The following GPR15LG variants were observed in gnomAD, a reference collection of about 807,000 sequenced individuals.
GPR15LG encodes protein GPR15LG.
At chr10:84,183,654 A>ATT in the GPR15LG span, among the ~76,000 whole-genome samples, 1 of 144,568 alleles carries the variant, frequency 6.9e-6, no homozygotes, top group Admixed American at 6.8e-5. Context: ...TTTATTATTT[A>ATT]TTTTTTTTTT....
the GPR15LG span, among the ~76,000 whole-genome samples, chr10:84,182,846 T>C: frequency 6.6e-6 from 1 of 152,134 alleles, no homozygotes; most frequent in Non-Finnish European, 1.5e-5. Context: ...AAGATAGTCT[T>C]GGGATCTGAG....
the GPR15LG span, among the ~76,000 whole-genome samples, chr10:84,176,269 G>C: frequency 8.5e-5 from 13 of 152,206 alleles, no homozygotes; most frequent in Non-Finnish European, 1.5e-5. Flanking sequence ...AATCTGAAAA[G>C]GATGTGTTTT....
the GPR15LG span, among the ~76,000 whole-genome samples, chr10:84,181,533 C>T: frequency 3.9e-5 from 6 of 152,162 alleles, no homozygotes; most frequent in African/African-American, 9.7e-5. Context: ...TCAAGTGATC[C>T]GCTTCAGCCT....
the GPR15LG span, among the ~76,000 whole-genome samples, chr10:84,174,201 C>A: frequency 6.6e-6 from 1 of 152,218 alleles, no homozygotes; most frequent in Admixed American, 6.5e-5. Flanking sequence ...AACCTCTCAG[C>A]TAGATTACTG....
At chr10:84,181,995 G>A in the GPR15LG span, among the ~76,000 whole-genome samples, 1 of 152,316 alleles carries the variant, frequency 6.6e-6, no homozygotes, top group South Asian at 2.1e-4. Flanking sequence ...CCCAGGTCCT[G>A]AGAGCTCCTT....
At chr10:84,184,189 T>C in the GPR15LG span, among the ~76,000 whole-genome samples, 1 of 151,962 alleles carries the variant, frequency 6.6e-6, no homozygotes, top group African/African-American at 2.4e-5. Context: ...ATAAAAATAG[T>C]TTAATGCATG....
chr10:84,182,077 CAGAGAG>C, the GPR15LG span, among the ~76,000 whole-genome samples: 5 of 152,210 alleles, frequency 3.3e-5, no homozygotes, highest in Non-Finnish European at 1.5e-5. Context: ...GGAAGGGGCA[CAGAGAG>C]ATTCCTCCCT....
chr10:84,174,313 T>C, the GPR15LG span, among the ~76,000 whole-genome samples: 1 of 152,120 alleles, frequency 6.6e-6, no homozygotes, highest in Admixed American at 6.5e-5. Flanking sequence ...ATACATTAAT[T>C]AGTAGACCAT....
chr10:84,184,118 G>A, the GPR15LG span, among the ~76,000 whole-genome samples: 4 of 150,142 alleles, frequency 2.7e-5, no homozygotes, highest in Non-Finnish European at 5.9e-5. Context: ...CCAGGAGTTC[G>A]TGACTAGCCT....
At chr10:84,184,615 C>T in the GPR15LG span, 1 of 1,512,502 alleles carries the variant, frequency 6.6e-7, no homozygotes. Context: ...TCTCTCCCCA[C>T]AACCTGGCTC....
chr10:84,182,732 C>A, the GPR15LG span, among the ~76,000 whole-genome samples: 7 of 152,116 alleles, frequency 4.6e-5, no homozygotes, highest in African/African-American at 1.7e-4. Flanking sequence ...TAGGAGCAGG[C>A]AAATAGACTC....
the GPR15LG span, chr10:84,176,539 G>A: frequency 6.2e-7 from 1 of 1,614,030 alleles, no homozygotes; most frequent in African/African-American, 1.3e-5. Flanking sequence ...CTGCCACCGA[G>A]TCCCTAGCCC....
the GPR15LG span, among the ~76,000 whole-genome samples, chr10:84,181,873 T>C: frequency 6.6e-6 from 1 of 152,238 alleles, no homozygotes; most frequent in African/African-American, 2.4e-5. Flanking sequence ...GGAAGTACTG[T>C]GGTCCTGAAG....
At chr10:84,177,522 C>T in the GPR15LG span, among the ~76,000 whole-genome samples, 3 of 152,312 alleles carry the variant, frequency 2.0e-5, no homozygotes, top group Admixed American at 6.5e-5. Flanking sequence ...ATGACCAGCG[C>T]CGGAGCCTCC....
chr10:84,176,481 G>A, the GPR15LG span: 4 of 1,612,378 alleles, frequency 2.5e-6, no homozygotes, highest in Admixed American at 3.3e-5. Flanking sequence ...CACCCTCAGG[G>A]AAGAGGCGTC....
the GPR15LG span, among the ~76,000 whole-genome samples, chr10:84,177,275 G>A: frequency 6.6e-6 from 1 of 152,202 alleles, no homozygotes; most frequent in Admixed American, 6.5e-5. Flanking sequence ...CCTGCACAGG[G>A]GCTGCAGGCC....
chr10:84,178,568 T>C, the GPR15LG span, among the ~76,000 whole-genome samples: 2 of 149,540 alleles, frequency 1.3e-5, no homozygotes, highest in African/African-American at 4.9e-5. Flanking sequence ...GACAAGCAAT[T>C]ACACACACAC....
the GPR15LG span, among the ~76,000 whole-genome samples, chr10:84,176,882 G>A: frequency 6.6e-6 from 1 of 152,188 alleles, no homozygotes; most frequent in Non-Finnish European, 1.5e-5. Context: ...TGAGCCAGGA[G>A]CCTGGCTGAG....
At chr10:84,179,485 A>T in the GPR15LG span, among the ~76,000 whole-genome samples, 1 of 152,236 alleles carries the variant, frequency 6.6e-6, no homozygotes, top group Middle Eastern at 3.2e-3. Context: ...GAGATGAATC[A>T]GTGTTCCCAG....
Sources: allele counts gnomAD v4.1 joint callset (sites outside exome capture counted in the v4.1 genomes callset), GRCh38; gene constraint gnomAD v4.1.1; transcripts MANE v1.5; gene names NCBI Gene and HGNC (gene_info 2026-07-23, HGNC 2026-07-21).